Variants in RAP1A observed in about 807,000 individuals in gnomAD.
The protein encoded by RAP1A is RAP1A, member of RAS oncogene family, also known as ras-related protein Rap-1A.
A neutral mutation model predicts 26.4 loss-of-function variants in RAP1A; 6 were observed. The ratio of observed to expected loss-of-function variants is 0.23; its 90% CI spans 0.12 to 0.45. RAP1A has a LOEUF of 0.45. Ranked by LOEUF, RAP1A falls within the 20% of genes least tolerant of loss-of-function variation. The pLI is 0.99. For synonymous variants in RAP1A, 73 were observed against 79.4 expected (o/e 0.92, Z 0.43); for missense variants, 121 against 217.2 (o/e 0.56, Z 2.78).
At chr1:111,704,574 C>G (rs1442293441) in intron 6 of RAP1A, 88 bp downstream of exon 6, 1 of 1,324,410 alleles carries the variant, frequency 7.6e-7, no homozygotes, top group African/African-American at 1.5e-5. Context: ...AAATTTTTAT[C>G]TTTTAAGCAA....
chr1:111,698,726 C>T (rs767264522), intron 4 of RAP1A, among the ~76,000 whole-genome samples: 83 of 151,998 alleles, frequency 5.5e-4, no homozygotes, highest in Non-Finnish European at 1.1e-3. Context: ...CTGTATTTTT[C>T]CATTCTTTTT....
chr1:111,689,162 A>T (rs1391366457), intron 1 of RAP1A, among the ~76,000 whole-genome samples: 3 of 152,060 alleles, frequency 2.0e-5, no homozygotes, highest in African/African-American at 7.2e-5. Flanking sequence ...TCAAATTTCG[A>T]AAATGTCATT....
chr1:111,627,638 AT>A (rs1659440102), intron 1 of RAP1A: 1 of 152,104 alleles, frequency 6.6e-6, no homozygotes, highest in African/African-American at 2.4e-5. Context: ...AAATCCTCAT[AT>A]TATTAATAAT....
At chr1:111,606,033 T>C (rs1658768077) in intron 1 of RAP1A, among the ~76,000 whole-genome samples, 1 of 152,138 alleles carries the variant, frequency 6.6e-6, no homozygotes, top group Admixed American at 6.5e-5. Context: ...TCTGCGCAGT[T>C]TCCCTGGAAG....
At position 111,590,257 on chromosome 1, in the gene RAP1A, T is replaced by G. The variant is rs77153874; in HGVS notation, c.-28+47748T>G. Among the ~76,000 whole-genome samples the G allele has an allele frequency of 7.3e-3, 1,119 of 152,334 alleles. 13 individuals are homozygous for G. The highest frequency in any genetic ancestry group is 0.025 in the African/African-American group (1,045 of 41,566). On this transcript the variant is annotated intron_variant, in intron 1 of 7. Coordinates refer to the RAP1A transcript ENST00000356415. ...TTTCTTCCTTTCAAATCCTTAGGCATTTAATTTTTTTATCTTATTACTGCC... is the reference window on the plus strand; with the variant it reads ...TTTCTTCCTTTCAAATCCTTAGGCAGTTAATTTTTTTATCTTATTACTGCC...
intron 1 of RAP1A, among the ~76,000 whole-genome samples, chr1:111,632,329 T>C (rs924487684): frequency 3.3e-5 from 5 of 152,018 alleles, no homozygotes; most frequent in South Asian, 2.1e-4. Context: ...TTAATTAATA[T>C]CTTAATAAAT....
intron 1 of RAP1A, among the ~76,000 whole-genome samples, chr1:111,549,678 T>A (rs1191628637): frequency 1.3e-5 from 2 of 150,362 alleles, no homozygotes; most frequent in Admixed American, 6.6e-5. Context: ...ACAAGATCTC[T>A]CTCTCTGTCA....
At chr1:111,663,053 A>G (rs1029991857) in intron 1 of RAP1A, among the ~76,000 whole-genome samples, 13 of 152,192 alleles carry the variant, frequency 8.5e-5, no homozygotes, top group African/African-American at 2.9e-4. Flanking sequence ...AGCTGGGATT[A>G]CAGGCACGAG....
At chr1:111,567,704 C>A (rs933900899) in intron 1 of RAP1A, among the ~76,000 whole-genome samples, 2 of 152,186 alleles carry the variant, frequency 1.3e-5, no homozygotes, top group African/African-American at 4.8e-5. Context: ...GTCACTCTTA[C>A]TCTTTCTCTA....
chr1:111,629,986 T>C (rs1659520653), intron 1 of RAP1A, among the ~76,000 whole-genome samples: 1 of 152,228 alleles, frequency 6.6e-6, no homozygotes, highest in African/African-American at 2.4e-5. Flanking sequence ...GCATAGTCCT[T>C]AGTTTGGGCC....
chr1:111,591,526 T>C (rs150988886), intron 1 of RAP1A, among the ~76,000 whole-genome samples: 2 of 152,382 alleles, frequency 1.3e-5, no homozygotes, highest in Admixed American at 6.5e-5. Context: ...CTCTATATTA[T>C]CTAACTTTAG....
At chr1:111,606,984 T>G (rs1352324819) in intron 1 of RAP1A, among the ~76,000 whole-genome samples, 1 of 151,292 alleles carries the variant, frequency 6.6e-6, no homozygotes, top group Admixed American at 6.6e-5. Flanking sequence ...GCCACAAGAG[T>G]TCATTTGAAT....
In RAP1A at chr1:111,663,780, T is replaced by G. The variant is rs551910542; in HGVS notation, c.-27-27554T>G. Among the ~76,000 whole-genome samples, 5 of 152,340 alleles carry G rather than the reference T, an allele frequency of 3.3e-5. No homozygotes were observed. The South Asian group carries it at 1.0e-3, about 32-fold the overall frequency. ...AGCATCTACTATTTTCCAACTATTG[T>G]TCTGAGCACTAGGAATGGCATCTTT... On this transcript the variant is annotated intron_variant, in intron 1 of 7. Coordinates refer to ENST00000369709, the MANE Select transcript of RAP1A (RefSeq NM_002884.4).
chr1:111,613,222 C>T (rs901579964), intron 1 of RAP1A, among the ~76,000 whole-genome samples: 15 of 148,890 alleles, frequency 1.0e-4, no homozygotes, highest in African/African-American at 1.7e-4. Context: ...TTTTTTGAGA[C>T]GGAGTCTTGC....
intron 1 of RAP1A, among the ~76,000 whole-genome samples, chr1:111,667,573 T>TC (rs1220053660): frequency 6.6e-6 from 1 of 151,570 alleles, no homozygotes; most frequent in Non-Finnish European, 1.5e-5. Flanking sequence ...TCACAGCTAC[T>TC]CGGGAGGCTT....
At chr1:111,603,092 C>T (rs1658702668) in intron 1 of RAP1A, among the ~76,000 whole-genome samples, 1 of 152,232 alleles carries the variant, frequency 6.6e-6, no homozygotes, top group Non-Finnish European at 1.5e-5. Flanking sequence ...CCATTCTCTT[C>T]AACTGCCAGA....
chr1:111,619,532 A>G (rs1659097057), upstream of RAP1A, among the ~76,000 whole-genome samples: 1 of 152,158 alleles, frequency 6.6e-6, no homozygotes, highest in South Asian at 2.1e-4. Context: ...TCTCTTCTTG[A>G]ATCTTTGGAC....
upstream of RAP1A, among the ~76,000 whole-genome samples, chr1:111,618,156 C>T (rs1445857549): frequency 3.3e-5 from 5 of 152,136 alleles, no homozygotes; most frequent in East Asian, 9.6e-4. Context: ...TCCTTCAAAG[C>T]AAAGCCTCTC....
At chr1:111,606,718 C>A (rs892737277) in intron 1 of RAP1A, among the ~76,000 whole-genome samples, 3 of 152,190 alleles carry the variant, frequency 2.0e-5, no homozygotes, top group African/African-American at 7.2e-5. Context: ...TGTAATAAAT[C>A]TGTGTGGTGC....
Sources: allele counts gnomAD v4.1 joint callset (sites outside exome capture counted in the v4.1 genomes callset), GRCh38; gene constraint gnomAD v4.1.1; transcripts MANE v1.5; gene names NCBI Gene and HGNC (gene_info 2026-07-23, HGNC 2026-07-21).